CPNE4: variants seen among roughly 807,000 people sequenced by gnomAD.
The protein encoded by CPNE4 is copine-4.
In CPNE4, 25 loss-of-function variants were observed where a neutral mutation model predicts 67.9. The ratio of observed to expected loss-of-function variants is 0.37; its 90% CI spans 0.27 to 0.51. CPNE4 has a LOEUF of 0.51. Among genes scored for constraint, CPNE4 ranks in the 20% least tolerant of loss-of-function variants. The pLI is 0.93. For missense variants in CPNE4, 464 were observed against 690.8 expected (o/e 0.67, Z 3.68); for synonymous variants, 242 against 244.9 (o/e 0.99, Z 0.11).
intron 2 of CPNE4, among the ~76,000 whole-genome samples, chr3:131,890,316 G>T (rs991827532): frequency 1.3e-5 from 2 of 151,746 alleles, no homozygotes; most frequent in African/African-American, 4.8e-5. Flanking sequence ...CATAAAAATG[G>T]CCAACAGGTA....
chr3:131,786,976 G>C (rs534829568), intron 2 of CPNE4, among the ~76,000 whole-genome samples: 1 of 152,128 alleles, frequency 6.6e-6, no homozygotes, highest in Non-Finnish European at 1.5e-5. Flanking sequence ...CTGCCAGACG[G>C]TTTCCTGCAC....
intron 1 of CPNE4, among the ~76,000 whole-genome samples, chr3:131,958,993 T>C (rs2072079315): frequency 9.6e-5 from 1 of 10,382 alleles, no homozygotes; most frequent in Non-Finnish European, 1.6e-4. Flanking sequence ...TTTTTTTTTT[T>C]TTTTTTTTTT....
intron 2 of CPNE4, among the ~76,000 whole-genome samples, chr3:131,784,384 C>A (rs1296903635): frequency 6.6e-6 from 1 of 152,058 alleles, no homozygotes; most frequent in Non-Finnish European, 1.5e-5. Flanking sequence ...CTCACTTCTG[C>A]CCCAACCCAC....
chr3:131,557,341 A>T (rs1037486578), intron 11 of CPNE4, among the ~76,000 whole-genome samples: 10 of 152,052 alleles, frequency 6.6e-5, no homozygotes, highest in African/African-American at 2.4e-4. Context: ...ACTGTCCTAA[A>T]CATCTATAAG....
rs138097762 is a variant in CPNE4, at chr3:131,639,166, G to A, written c.681+30509C>T. ...AAGATAATAAATAAGGAAGATCAGA[G>A]CACAACTAAATAAAACTAAAACAAA... On this transcript the variant is annotated intron_variant, in intron 7 of 15. Transcript: ENST00000429747. Among the ~76,000 whole-genome samples the A allele has an allele frequency of 3.9e-3, 598 of 152,012 alleles. 4 individuals are homozygous for A. Among genetic ancestry groups the A allele is most frequent in the African/African-American group, 0.014 (581 of 41,494 alleles).
Position 131,565,882 on chromosome 3 carries a change from C to T in CPNE4, c.928-1533G>A, listed in dbSNP as rs369582532. 2.0e-5 allele frequency among the ~76,000 whole-genome samples: 3 copies of T among 151,182 alleles called. No homozygotes were observed. The East Asian group carries it at 5.9e-4, about 30-fold the overall frequency. On this transcript the variant is annotated intron_variant, in intron 10 of 15. Transcript: ENST00000429747. The stretch of plus-strand genomic sequence containing the variant: ...AGTTCTTCCCTGAACCTTAGATTCC[C>T]TTACTTTGGATAACAAAGGAAAGAA...
chr3:131,766,182 G>C (rs917330461), intron 2 of CPNE4, among the ~76,000 whole-genome samples: 2 of 152,164 alleles, frequency 1.3e-5, no homozygotes, highest in Admixed American at 6.6e-5. Flanking sequence ...CTTTGGCCAA[G>C]CTACTTGAGT....
intron 1 of CPNE4, among the ~76,000 whole-genome samples, chr3:132,028,504 AGGG>A (rs1436389925): frequency 6.6e-6 from 1 of 152,116 alleles, no homozygotes; most frequent in Non-Finnish European, 1.5e-5. Context: ...CCTTCTGCTG[AGGG>A]GGAAGGGGTA....
At chr3:131,927,579 G>A (rs57649154) in intron 1 of CPNE4, among the ~76,000 whole-genome samples, 22,067 of 152,028 alleles carry the variant, frequency 0.15, 2,144 homozygotes, top group East Asian at 0.34. Flanking sequence ...TTACCCCATT[G>A]CCAAGTTCAG....
intron 1 of CPNE4, among the ~76,000 whole-genome samples, chr3:132,026,235 T>C (rs1049969579): frequency 1.3e-5 from 2 of 152,204 alleles, no homozygotes; most frequent in Non-Finnish European, 2.9e-5. Context: ...GAGTATCCTA[T>C]GTGCCAAAAA....
At chr3:131,960,436 G>C (rs2072132398) in intron 1 of CPNE4, among the ~76,000 whole-genome samples, 1 of 152,074 alleles carries the variant, frequency 6.6e-6, no homozygotes, top group Non-Finnish European at 1.5e-5. Flanking sequence ...AAGGGAGAGG[G>C]AGAACTGAAA....
rs2084747668 is a variant in CPNE4, at chr3:131,816,457, CT to C, written c.180+88806del. 2.0e-5 allele frequency among the ~76,000 whole-genome samples: 3 copies of C among 152,192 alleles called. No homozygotes were observed. In the South Asian group the frequency reaches 6.2e-4, roughly 32 times the overall value. On this transcript the variant is annotated intron_variant, in intron 2 of 15. Transcript: ENST00000429747. ...AACATGAGAAGAGATCAATCATTTA[CT>C]TTTCCTAGCTTGTTTTTCAAACAGG... is the stretch of plus-strand genomic sequence containing the variant.
intron 7 of CPNE4, among the ~76,000 whole-genome samples, chr3:131,592,766 A>G (rs1002344737): frequency 2.6e-5 from 4 of 152,104 alleles, no homozygotes; most frequent in Non-Finnish European, 4.4e-5. Flanking sequence ...TGAAACTGTA[A>G]ACTACTAGAA....
chr3:131,772,684 T>A (rs749994873), intron 2 of CPNE4, among the ~76,000 whole-genome samples: 37 of 152,058 alleles, frequency 2.4e-4, no homozygotes, highest in Non-Finnish European at 4.6e-4. Context: ...TGGGGTGAGA[T>A]GTTTATCTAC....
chr3:131,917,832 G>A (rs1163318439), intron 1 of CPNE4, among the ~76,000 whole-genome samples: 1 of 152,170 alleles, frequency 6.6e-6, no homozygotes, highest in Non-Finnish European at 1.5e-5. Context: ...TAGGAAATCT[G>A]GCAGATGCCT....
At chr3:131,736,294 G>C (rs1423786113) in intron 2 of CPNE4, among the ~76,000 whole-genome samples, 1 of 152,134 alleles carries the variant, frequency 6.6e-6, no homozygotes, top group Non-Finnish European at 1.5e-5. Context: ...TGAAACCAAA[G>C]AGTTTGCAAC....
intron 1 of CPNE4, among the ~76,000 whole-genome samples, chr3:132,014,814 T>C (rs1479677305): frequency 2.0e-5 from 3 of 152,212 alleles, no homozygotes; most frequent in African/African-American, 7.2e-5. Flanking sequence ...ATTATATACT[T>C]CCAAAGTCAT....
At chr3:131,995,637 G>A (rs2073272890) in intron 1 of CPNE4, among the ~76,000 whole-genome samples, 1 of 152,168 alleles carries the variant, frequency 6.6e-6, no homozygotes, top group Admixed American at 6.5e-5. Flanking sequence ...GAAAGCCAGA[G>A]GGAACCATTT....
At chr3:131,677,782 T>C (rs2080621909) in intron 6 of CPNE4, among the ~76,000 whole-genome samples, 1 of 152,160 alleles carries the variant, frequency 6.6e-6, no homozygotes, top group African/African-American at 2.4e-5. Context: ...TTCTGTTCCA[T>C]TGGTCTATGT....
Sources: gnomAD v4.1 joint callset for allele counts (sites outside exome capture counted in the v4.1 genomes callset) on GRCh38, gnomAD v4.1.1 for gene constraint, MANE v1.5 for transcripts, NCBI Gene and HGNC (gene_info 2026-07-23, HGNC 2026-07-21) for gene names.